TMEM192: variants seen among roughly 807,000 people sequenced by gnomAD.
TMEM192 encodes transmembrane protein 192.
In TMEM192, 20 loss-of-function variants were observed where a neutral mutation model predicts 26.7. The observed-to-expected ratio is 0.75, with a 90% CI of 0.53 to 1.09. The LOEUF (loss-of-function observed/expected upper bound fraction) is 1.09, where lower values mean the gene tolerates loss of function less well. Ranked by LOEUF, TMEM192 falls within the 50% of genes least tolerant of loss-of-function variation. The probability of loss-of-function intolerance (pLI) is 0.00; values close to 1 mark genes in which losing one functional copy is unlikely to be tolerated. For missense variants in TMEM192, 304 were observed against 322.6 expected, an observed-to-expected ratio of 0.94 and a Z score of 0.44; for synonymous variants, 124 against 121.0, an observed-to-expected ratio of 1.02 and a Z score of -0.16.
chr4:165,096,179 G>A (rs951788656), intron 3 of TMEM192, among the ~76,000 whole-genome samples: 1 of 151,904 alleles, frequency 6.6e-6, no homozygotes, highest in Non-Finnish European at 1.5e-5. Flanking sequence ...AGGCCAAGGG[G>A]AGCGGATCAC....
rs1413812058 is a variant in TMEM192 at position 165,083,447 on chromosome 4, G to A, written c.677+2139C>T. Among the ~76,000 whole-genome samples the A allele has an allele frequency of 1.7e-4, 7 of 40,394 alleles. 3 individuals are homozygous for A. Among genetic ancestry groups the A allele is most frequent in the Admixed American group, 6.4e-4 (2 of 3,126 alleles). 26.5% of individuals were successfully genotyped at this position (40,394 alleles called of 152,430 possible). On this transcript the variant is annotated intron_variant, in intron 5 of 5. Coordinates refer to ENST00000306480, the MANE Select transcript of TMEM192 (RefSeq NM_001100389.2). ...AGTATAATCCAGGCTTCAAGAAACCGAGGGTAAAGGATTCTAGAACTATCA... is the reference window on the plus strand; with the variant it reads ...AGTATAATCCAGGCTTCAAGAAACCAAGGGTAAAGGATTCTAGAACTATCA...
intron 3 of TMEM192, among the ~76,000 whole-genome samples, chr4:165,095,889 C>T (rs1734884614): frequency 6.6e-6 from 1 of 152,090 alleles, no homozygotes; most frequent in African/African-American, 2.4e-5. Context: ...ATTCTCCTGC[C>T]TCAGCCTCCT....
chr4:165,070,694 T>A lies in TMEM192; in HGVS notation c.*8964A>T, dbSNP rs995364254. On this transcript the variant is annotated 3_prime_UTR_variant, in exon 6 of 6. Transcript: ENST00000306480. ...ACTTTTAAACAAGACCTTAAAAAAA[T>A]AATCTCTCAGTTCAGGACATCATAA... 5 of 152,136 alleles carry A rather than the reference T, an allele frequency of 3.3e-5. No homozygotes were observed. The highest frequency in any genetic ancestry group is 9.7e-5 in the African/African-American group (4 of 41,422). The allele number at this position is 152,136 out of a possible 1,614,324, so 9.4% of individuals were successfully genotyped here.
At chr4:165,085,774 A>G in intron 4 of TMEM192, 86 bp from the exon 5 acceptor site, 1 of 963,118 alleles carries the variant, frequency 1.0e-6, no homozygotes, top group Non-Finnish European at 1.6e-6. Flanking sequence ...TGCCGTTCTT[A>G]TTAACGTCCT....
chr4:165,103,239 A>T (rs185492442), intron 1 of TMEM192, 143 bp from the exon 2 acceptor site: 1 of 484,824 alleles, frequency 2.1e-6, no homozygotes, highest in Admixed American at 4.5e-5. Context: ...CCAATTTTTT[A>T]AAAATTAATT....
intron 1 of TMEM192, 79 bp downstream of exon 1, chr4:165,112,668 C>CT (rs1388640712): frequency 7.8e-5 from 124 of 1,581,990 alleles, no homozygotes; most frequent in Non-Finnish European, 9.9e-5. Flanking sequence ...GCTTCCCTCT[C>CT]TGAGTCTCCG....
Position 165,107,636 on chromosome 4 carries a change from G to A in TMEM192, c.28-4540C>T, listed in dbSNP as rs1035965665. On this transcript the variant is annotated intron_variant, in intron 1 of 5. Coordinates refer to ENST00000306480, the MANE Select transcript of TMEM192 (RefSeq NM_001100389.2). Reference sequence around the variant, plus strand: ...TGGGATTACAGGCATAAGCCACCACGCCTGGCCAAGGATTTGCCTCTCACC... The same window carrying A: ...TGGGATTACAGGCATAAGCCACCACACCTGGCCAAGGATTTGCCTCTCACC... Among the ~76,000 whole-genome samples, 10 of 152,152 alleles carry A rather than the reference G, an allele frequency of 6.6e-5. No homozygotes were observed. The South Asian group carries it at 1.2e-3, about 19-fold the overall frequency.
intron 1 of TMEM192, among the ~76,000 whole-genome samples, chr4:165,105,477 T>C (rs1218546446): frequency 6.6e-6 from 1 of 152,190 alleles, no homozygotes; most frequent in Non-Finnish European, 1.5e-5. Context: ...TCATCTCTCA[T>C]GCCTCAGTTT....
chr4:165,095,454 A>G (rs770305992), intron 3 of TMEM192, among the ~76,000 whole-genome samples: 4 of 152,172 alleles, frequency 2.6e-5, no homozygotes, highest in Non-Finnish European at 5.9e-5. Flanking sequence ...CTACAAGTCA[A>G]CTAAGACAGT....
Position 165,079,312 on chromosome 4 carries a change from T to C in TMEM192, c.*346A>G, listed in dbSNP as rs1157325088. Reference sequence around the variant, plus strand: ...ATCGATTGTCTTGTTAGACTTCCCCTATCCATAATGAAATCATTACAGGGT... The same window carrying C: ...ATCGATTGTCTTGTTAGACTTCCCCCATCCATAATGAAATCATTACAGGGT... On this transcript the variant is annotated 3_prime_UTR_variant, in exon 6 of 6. Transcript: ENST00000306480. 1 of 196,486 alleles carries C rather than the reference T, an allele frequency of 5.1e-6. No individual in the cohort carries two copies. Among genetic ancestry groups the C allele is most frequent in the Non-Finnish European group, 1.0e-5 (1 of 97,710 alleles). The allele number at this position is 196,486 out of a possible 1,614,324, so 12.2% of individuals were successfully genotyped here.
chr4:165,102,927 T>A (rs1735070723), intron 2 of TMEM192, 23 bp downstream of exon 2: 4 of 1,601,540 alleles, frequency 2.5e-6, no homozygotes, highest in Non-Finnish European at 3.4e-6. Flanking sequence ...TCTGGATAGG[T>A]CCCCTTCTTG....
intron 1 of TMEM192, among the ~76,000 whole-genome samples, chr4:165,110,717 A>G (rs67838292): frequency 0.4 from 60,149 of 152,160 alleles, 13,201 homozygotes; most frequent in East Asian, 0.58. Flanking sequence ...AAAAAAGAAG[A>G]AAGATCATGA....
intron 3 of TMEM192, among the ~76,000 whole-genome samples, chr4:165,098,922 G>A (rs1004335980): frequency 2.7e-5 from 4 of 150,778 alleles, no homozygotes; most frequent in Admixed American, 1.3e-4. Flanking sequence ...GGCTGGTCTC[G>A]AACTCCTGAC....
At chr4:165,092,083 T>C (rs1449544098) in intron 3 of TMEM192, among the ~76,000 whole-genome samples, 3 of 147,062 alleles carry the variant, frequency 2.0e-5, no homozygotes, top group African/African-American at 7.5e-5. Flanking sequence ...AGTACCTTTC[T>C]CACAATGCTG....
intron 1 of TMEM192, among the ~76,000 whole-genome samples, chr4:165,105,662 A>G (rs1004728210): frequency 6.6e-6 from 1 of 152,102 alleles, no homozygotes; most frequent in African/African-American, 2.4e-5. Context: ...AATATTTTTT[A>G]AATTTTAAAA....
At chr4:165,110,636 C>T (rs1482962124) in intron 1 of TMEM192, among the ~76,000 whole-genome samples, 1 of 152,224 alleles carries the variant, frequency 6.6e-6, no homozygotes, top group Middle Eastern at 3.4e-3. Flanking sequence ...ACCCGGGAGG[C>T]GGAGGTTGCA....
At chr4:165,098,859 G>A (rs887189772) in intron 3 of TMEM192, among the ~76,000 whole-genome samples, 9 of 150,650 alleles carry the variant, frequency 6.0e-5, no homozygotes, top group Non-Finnish European at 8.9e-5. Flanking sequence ...CACCACACCC[G>A]GCTAATTTTC....
Position 165,112,778 on chromosome 4 carries a change from C to T in TMEM192, c.-5G>A. The T allele has an allele frequency of 6.2e-7, 1 of 1,607,474 alleles. No homozygotes were observed. ...CATCCTGCCCCCCGCCGCCATTTCC[C>T]GACGCCGGAGGCCGAAGCCCTGGCC... On this transcript the variant is annotated 5_prime_UTR_variant, in exon 1 of 6. Coordinates refer to ENST00000306480, the MANE Select transcript of TMEM192 (RefSeq NM_001100389.2).
intron 1 of TMEM192, among the ~76,000 whole-genome samples, chr4:165,109,313 C>T (rs1735241832): frequency 6.6e-6 from 1 of 152,184 alleles, no homozygotes; most frequent in African/African-American, 2.4e-5. Flanking sequence ...GAAAGAAAGA[C>T]TGCTCAACTT....
Sources: allele counts gnomAD v4.1 joint callset (sites outside exome capture counted in the v4.1 genomes callset), GRCh38; gene constraint gnomAD v4.1.1; transcripts MANE v1.5; gene names NCBI Gene and HGNC (gene_info 2026-07-23, HGNC 2026-07-21).